The following WBP2NL variants were observed in gnomAD, a reference collection of about 807,000 sequenced individuals.
WBP2NL encodes postacrosomal sheath WW domain-binding protein.
In WBP2NL, 27 loss-of-function variants were observed where a neutral mutation model predicts 23.3. The ratio of observed to expected loss-of-function variants is 1.16; its 90% CI spans 0.85 to 1.60. WBP2NL has a LOEUF of 1.60. WBP2NL is among the 40% of genes most tolerant of loss of function. WBP2NL has a pLI of 0.00. For missense variants in WBP2NL, 370 were observed against 389.5 expected (o/e 0.95, Z 0.42); for synonymous variants, 151 against 145.9 (o/e 1.03, Z -0.25).
At chr22:42,006,718 A>C (rs79161914) in intron 1 of WBP2NL, among the ~76,000 whole-genome samples, 7,651 of 152,266 alleles carry the variant, frequency 0.05, 627 homozygotes, top group African/African-American at 0.17. Context: ...TTGAGAAATA[A>C]GGTTTATGTT....
chr22:42,036,195 G>A (rs1372822652), downstream of WBP2NL, among the ~76,000 whole-genome samples: 1 of 150,812 alleles, frequency 6.6e-6, no homozygotes, highest in Non-Finnish European at 1.5e-5. Context: ...TTTTCTTTGA[G>A]ACCAAGTCTC....
intron 8 of WBP2NL, among the ~76,000 whole-genome samples, chr22:42,055,765 ATCT>A (rs1926006153): frequency 6.6e-6 from 1 of 151,714 alleles, no homozygotes; most frequent in South Asian, 2.1e-4. Flanking sequence ...TGGTGGATTG[ATCT>A]TCTCAATTTT....
At chr22:42,041,272 A>T (rs902274241) in intron 8 of WBP2NL, among the ~76,000 whole-genome samples, 3 of 152,152 alleles carry the variant, frequency 2.0e-5, no homozygotes, top group Non-Finnish European at 4.4e-5. Context: ...TCACGAGGTC[A>T]AGAGAGCGAG....
At chr22:42,001,607 C>T (rs994333528) in intron 1 of WBP2NL, 23 of 1,146,430 alleles carry the variant, frequency 2.0e-5, no homozygotes, top group Non-Finnish European at 2.8e-5. Context: ...CCCAGTGGCA[C>T]CGCCTGATGC....
At chr22:42,018,960 T>C (rs926409825) in intron 1 of WBP2NL, among the ~76,000 whole-genome samples, 7 of 149,736 alleles carry the variant, frequency 4.7e-5, no homozygotes, top group South Asian at 2.1e-4. Context: ...CACGGTGGCA[T>C]GCCTGTAATC....
intron 8 of WBP2NL, among the ~76,000 whole-genome samples, chr22:42,044,872 G>A (rs1378377032): frequency 6.6e-6 from 1 of 152,054 alleles, no homozygotes; most frequent in African/African-American, 2.4e-5. Context: ...GAGTGCAGTG[G>A]CTTAATCATA....
intron 1 of WBP2NL, among the ~76,000 whole-genome samples, chr22:42,002,380 C>G (rs187763082): frequency 6.6e-6 from 1 of 152,238 alleles, no homozygotes; most frequent in African/African-American, 2.4e-5. Flanking sequence ...ATCAGGAGTT[C>G]AAGACCAGCC....
chr22:42,011,926 CCAT>C (rs1922859431), intron 1 of WBP2NL, among the ~76,000 whole-genome samples: 2 of 152,112 alleles, frequency 1.3e-5, no homozygotes, highest in African/African-American at 4.8e-5. Flanking sequence ...GTGCCCACCA[CCAT>C]GCCTGGCTAA....
intron 1 of WBP2NL, chr22:42,001,127 CT>C: frequency 2.0e-6 from 2 of 1,025,192 alleles, no homozygotes; most frequent in South Asian, 2.5e-5. Flanking sequence ...ACCCATGCCT[CT>C]GAGAACACTG....
chr22:41,998,842 C>A lies in WBP2NL; in HGVS notation c.24C>A (p.Thr8=). MAVNQSH[T]ENRRGALIPN... ...AGATGGCGGTGAATCAGAGCCACAC[C>A]GAGAACCGCCGCGGAGCCCTCATCC... Residue 8 remains threonine (T), a synonymous_variant, in exon 1 of 6, where the codon ACC becomes ACA. Coordinates refer to ENST00000328823, the MANE Select transcript of WBP2NL (RefSeq NM_152613.3). 1 of 1,612,430 alleles carries A rather than the reference C, an allele frequency of 6.2e-7. No individual in the cohort carries two copies.
intron 1 of WBP2NL, among the ~76,000 whole-genome samples, chr22:42,015,976 G>A (rs1923271976): frequency 1.3e-5 from 2 of 151,640 alleles, no homozygotes; most frequent in South Asian, 4.2e-4. Context: ...CTAATACATT[G>A]GCTTGGAAAT....
chr22:42,030,322 C>T (rs1478996288), downstream of WBP2NL, among the ~76,000 whole-genome samples: 2 of 152,138 alleles, frequency 1.3e-5, no homozygotes, highest in African/African-American at 4.8e-5. Flanking sequence ...AAGCTCTTTC[C>T]AAAAATGAAG....
chr22:42,004,417 A>T (rs1419828326), intron 1 of WBP2NL, among the ~76,000 whole-genome samples: 1 of 152,062 alleles, frequency 6.6e-6, no homozygotes, highest in Non-Finnish European at 1.5e-5. Context: ...AACATAGTAA[A>T]ACCCTATCTC....
At chr22:42,024,415 A>G (rs1283279482) in intron 5 of WBP2NL, among the ~76,000 whole-genome samples, 2 of 151,958 alleles carry the variant, frequency 1.3e-5, no homozygotes, top group African/African-American at 4.8e-5. Flanking sequence ...ACCACCAACT[A>G]TTTTCCAGTG....
intron 8 of WBP2NL, among the ~76,000 whole-genome samples, chr22:42,048,276 C>T (rs1925676179): frequency 1.3e-5 from 2 of 150,992 alleles, no homozygotes; most frequent in South Asian, 2.1e-4. Context: ...AAAAATTAGC[C>T]GGGCGTGGTG....
chr22:42,047,519 G>T (rs965586242), intron 8 of WBP2NL, among the ~76,000 whole-genome samples: 13 of 151,282 alleles, frequency 8.6e-5, no homozygotes, highest in Admixed American at 7.9e-4. Flanking sequence ...GAACCTGGGC[G>T]GCGGAGGTTG....
In WBP2NL at chr22:42,026,900, T is replaced by TA. The variant is rs746524606; in HGVS notation, c.650dup (p.Tyr217Ter). 12 of 1,613,040 alleles carry TA rather than the reference T, an allele frequency of 7.4e-6. No homozygotes were observed. Among genetic ancestry groups the TA allele is most frequent in the Non-Finnish European group, 9.3e-6 (11 of 1,179,652 alleles). Residue 217 changes from tyrosine (Y) to a stop codon, truncating the protein, a stop_gained and frameshift_variant, in exon 6 of 6, where the codon TAT becomes TAAT. Transcript: ENST00000328823. LOFTEE classifies it low-confidence loss of function (END_TRUNC). ...GGGATACAGAGCCTCACCTGTGCGA[T>TA]ATGGAGCCCCACCTCTTGGATACGG... ...PVGYRASPVR[Y>*]GAPPLGYGAP...
chr22:42,036,186 T>A (rs1477312771), downstream of WBP2NL, among the ~76,000 whole-genome samples: 1 of 152,188 alleles, frequency 6.6e-6, no homozygotes, highest in Non-Finnish European at 1.5e-5. Flanking sequence ...TATTTTTTTT[T>A]TTCTTTGAGA....
chr22:42,018,427 G>A (rs2146784122), intron 1 of WBP2NL, among the ~76,000 whole-genome samples: 1 of 143,620 alleles, frequency 7.0e-6, no homozygotes, highest in East Asian at 1.9e-4. Flanking sequence ...AAGTCAAAAG[G>A]AAAGGAAAGA....
Sources: allele counts gnomAD v4.1 joint callset (sites outside exome capture counted in the v4.1 genomes callset), GRCh38; gene constraint gnomAD v4.1.1; transcripts MANE v1.5; gene names NCBI Gene and HGNC (gene_info 2026-07-23, HGNC 2026-07-21).